The following IGSF21 variants were observed in gnomAD, a reference collection of about 807,000 sequenced individuals.
IGSF21 encodes immunoglobin superfamily member 21.
A neutral mutation model predicts 46.8 loss-of-function variants in IGSF21; 28 were observed. The ratio of observed to expected loss-of-function variants is 0.60; its 90% CI spans 0.44 to 0.82. The LOEUF (loss-of-function observed/expected upper bound fraction) is 0.82. IGSF21 is among the 40% of genes least tolerant of loss of function. The pLI is 0.00. For missense variants in IGSF21, 624 were observed against 665.5 expected, an observed-to-expected ratio of 0.94 and a Z score of 0.69; for synonymous variants, 284 against 273.6, an observed-to-expected ratio of 1.04 and a Z score of -0.38.
At chr1:18,171,248 C>G (rs1476213079) in intron 1 of IGSF21, among the ~76,000 whole-genome samples, 1 of 152,102 alleles carries the variant, frequency 6.6e-6, no homozygotes, top group Non-Finnish European at 1.5e-5. Flanking sequence ...GAGGCATTCA[C>G]AGATTCACAA....
At position 18,345,529 on chromosome 1, in the gene IGSF21, C is replaced by T. The variant is rs369629499; in HGVS notation, c.424+10519C>T. ...CCTCCTGAGTAGCCAGGATTATAGG[C>T]GCGCACTACCACGTCCAGCTAATTT... On this transcript the variant is annotated intron_variant, in intron 4 of 9. Transcript: ENST00000251296. Among the ~76,000 whole-genome samples the T allele has an allele frequency of 6.6e-4, 100 of 152,198 alleles. No individual in the cohort carries two copies. The Middle Eastern group carries it at 0.014, about 21-fold the overall frequency.
chr1:18,254,564 G>A (rs1225806656), intron 2 of IGSF21, among the ~76,000 whole-genome samples: 1 of 152,094 alleles, frequency 6.6e-6, no homozygotes, highest in Non-Finnish European at 1.5e-5. Context: ...GGTCCCTCTT[G>A]TCAGCTGTCT....
rs1557636284 is a variant in IGSF21, at chr1:18,307,440, C to T, written c.305+15453C>T. 3.9e-5 allele frequency among the ~76,000 whole-genome samples: 6 copies of T among 152,220 alleles called. No homozygotes were observed. In the South Asian group the frequency reaches 1.2e-3, roughly 32 times the overall value. ...TTACACACATCGACTCATCTATCCT[C>T]ACAATGTTACAACGAAGCAGGTCCT... On this transcript the variant is annotated intron_variant, in intron 3 of 9. Transcript: ENST00000251296.
At chr1:18,296,151 G>T (rs769182698) in intron 3 of IGSF21, among the ~76,000 whole-genome samples, 6 of 152,120 alleles carry the variant, frequency 3.9e-5, no homozygotes, top group South Asian at 2.1e-4. Context: ...CCTTGAGAAG[G>T]CACCCGTATT....
At chr1:18,156,896 A>T (rs558804739) in intron 1 of IGSF21, among the ~76,000 whole-genome samples, 5 of 152,308 alleles carry the variant, frequency 3.3e-5, no homozygotes, top group African/African-American at 1.2e-4. Context: ...GGGCGGAGGT[A>T]GGTGGATCAC....
chr1:18,242,275 C>T (rs574790337), intron 2 of IGSF21, among the ~76,000 whole-genome samples: 7 of 152,136 alleles, frequency 4.6e-5, no homozygotes, highest in Non-Finnish European at 4.4e-5. Context: ...CCTTCTCCCC[C>T]ACGCTGCCTC....
rs199714139 is a variant in IGSF21, at chr1:18,291,961, G to T, written c.279G>T (p.Glu93Asp). The change falls in exon 3 of 10, where the codon GAG (glutamate) becomes GAT (aspartate). Residue 93 changes from glutamate to aspartate, a missense_variant. Transcript: ENST00000251296. ...YSHMENYRKR[E>D]DLVYQSTVRL... ...ACATGGAGAACTACCGCAAGCGAGA[G>T]GACCTGGTGTACCAGTCCACTGTGA... 1 of 1,613,988 alleles carries T rather than the reference G, an allele frequency of 6.2e-7. No homozygotes were observed. The highest frequency in any genetic ancestry group is 8.5e-7 in the Non-Finnish European group (1 of 1,180,020).
At chr1:18,225,083 TCTCACACACACACACACACA>T (rs1483519648) in intron 1 of IGSF21, among the ~76,000 whole-genome samples, 1 of 54,858 alleles carries the variant, frequency 1.8e-5, no homozygotes, top group Non-Finnish European at 4.0e-5. Flanking sequence ...TCTCTCTCTC[TCTCACACACACACACACACA>T]CACACACACA....
intron 1 of IGSF21, among the ~76,000 whole-genome samples, chr1:18,193,955 A>G (rs1385406077): frequency 6.6e-6 from 1 of 152,208 alleles, no homozygotes; most frequent in Non-Finnish European, 1.5e-5. Context: ...GAGGACATTC[A>G]GGAATCAGAA....
intron 2 of IGSF21, among the ~76,000 whole-genome samples, chr1:18,252,757 G>C (rs186674800): frequency 6.6e-6 from 1 of 152,124 alleles, no homozygotes; most frequent in Admixed American, 6.5e-5. Flanking sequence ...AACAATATAC[G>C]GGGGCCGGGG....
chr1:18,127,261 C>T (rs969979200), intron 1 of IGSF21, among the ~76,000 whole-genome samples: 1 of 152,188 alleles, frequency 6.6e-6, no homozygotes, highest in African/African-American at 2.4e-5. Context: ...GATACATAAC[C>T]TACCTCTGGC....
At chr1:18,171,343 G>C (rs9662256) in intron 1 of IGSF21, among the ~76,000 whole-genome samples, 151,014 of 152,276 alleles carry the variant, frequency 0.99, 74,898 homozygotes, top group Middle Eastern at 1. Flanking sequence ...AGGGCAGAAC[G>C]AAGGCCAGGG....
intron 3 of IGSF21, among the ~76,000 whole-genome samples, chr1:18,303,692 A>G (rs2085383730): frequency 1.3e-5 from 2 of 152,234 alleles, no homozygotes; most frequent in Admixed American, 6.5e-5. Flanking sequence ...TTAACTGTAG[A>G]CATCGGGAGA....
chr1:18,287,106 G>A (rs567049346), intron 2 of IGSF21, among the ~76,000 whole-genome samples: 4,370 of 150,186 alleles, frequency 0.029, 94 homozygotes, highest in Non-Finnish European at 0.048. Context: ...GCGTGAACCC[G>A]GGAGGCGGAG....
At chr1:18,125,945 A>G (rs2086271636) in intron 1 of IGSF21, among the ~76,000 whole-genome samples, 1 of 152,160 alleles carries the variant, frequency 6.6e-6, no homozygotes, top group Non-Finnish European at 1.5e-5. Context: ...AATGTTCAGG[A>G]AAAAGGAGGA....
At chr1:18,296,550 C>T (rs1430983269) in intron 3 of IGSF21, among the ~76,000 whole-genome samples, 8 of 152,162 alleles carry the variant, frequency 5.3e-5, no homozygotes, top group Middle Eastern at 3.2e-3. Context: ...TGCCTTCCTC[C>T]AGGTACAGAG....
At chr1:18,344,328 C>G (rs2085871865) in intron 4 of IGSF21, among the ~76,000 whole-genome samples, 1 of 152,150 alleles carries the variant, frequency 6.6e-6, no homozygotes, top group Non-Finnish European at 1.5e-5. Flanking sequence ...GCCACCATGC[C>G]TGGCTAATTT....
In IGSF21 at chr1:18,309,340, A is replaced by G. The variant is rs80318086; in HGVS notation, c.305+17353A>G. Among the ~76,000 whole-genome samples, 781 of 152,230 alleles carry G rather than the reference A, an allele frequency of 5.1e-3. 6 individuals carry two copies. Among genetic ancestry groups the G allele is most frequent in the African/African-American group, 0.017 (706 of 41,514 alleles). On this transcript the variant is annotated intron_variant, in intron 3 of 9. Transcript: ENST00000251296. ...TGTGTGCCAAGCCAAGTGCACTTAC[A>G]TGTGAGAACTCAGCCATGGAGGGGA...
At chr1:18,269,421 G>A (rs2124544033) in intron 2 of IGSF21, among the ~76,000 whole-genome samples, 1 of 152,288 alleles carries the variant, frequency 6.6e-6, no homozygotes, top group Admixed American at 6.5e-5. Flanking sequence ...AGGAGGAGGA[G>A]GAGGATCAGC....
Sources: allele counts gnomAD v4.1 joint callset (sites outside exome capture counted in the v4.1 genomes callset), GRCh38; gene constraint gnomAD v4.1.1; transcripts MANE v1.5; gene names NCBI Gene and HGNC (gene_info 2026-07-23, HGNC 2026-07-21).